Variants in CWC27 observed in about 807,000 individuals in gnomAD.
The protein encoded by CWC27 is CWC27 spliceosome associated cyclophilin.
In CWC27, 47 loss-of-function variants were observed where a neutral mutation model predicts 63.6. The observed-to-expected ratio is 0.74, with a 90% CI of 0.58 to 0.94. The LOEUF (loss-of-function observed/expected upper bound fraction) is 0.94. CWC27 is among the 40% of genes least tolerant of loss of function. CWC27 has a pLI of 0.00. For missense variants in CWC27, 495 were observed against 554.3 expected (o/e 0.89, Z 1.07); for synonymous variants, 175 against 179.8 (o/e 0.97, Z 0.22).
At chr5:64,876,462 T>G (rs186463910) in intron 10 of CWC27, among the ~76,000 whole-genome samples, 1 of 152,248 alleles carries the variant, frequency 6.6e-6, no homozygotes, top group Admixed American at 6.5e-5. Context: ...TAACTGCAAG[T>G]GCTACATCCG....
intron 10 of CWC27, among the ~76,000 whole-genome samples, chr5:64,862,614 C>T (rs1230002479): frequency 6.6e-6 from 1 of 152,090 alleles, no homozygotes; most frequent in Non-Finnish European, 1.5e-5. Flanking sequence ...AGCCCATATT[C>T]AAATTTTCCC....
At chr5:65,011,495 G>T (rs1312030) in intron 13 of CWC27, among the ~76,000 whole-genome samples, 54,897 of 151,952 alleles carry the variant, frequency 0.36, 10,552 homozygotes, top group Non-Finnish European at 0.44. Context: ...GAAGGAGAGT[G>T]CAGGCGTTTG....
chr5:64,856,522 T>C lies in CWC27; in HGVS notation c.939-28921T>C, dbSNP rs931138541. ...GTTCCCAAATTTTAATCTAAACTTATAATAGTTTAGCCTTTCAACAAGTTT... is the reference window on the plus strand; with the variant it reads ...GTTCCCAAATTTTAATCTAAACTTACAATAGTTTAGCCTTTCAACAAGTTT... On this transcript the variant is annotated intron_variant, in intron 10 of 13. Transcript: ENST00000381070. Among the ~76,000 whole-genome samples the C allele has an allele frequency of 9.9e-5, 15 of 152,036 alleles. No individual in the cohort carries two copies. The South Asian group carries it at 1.7e-3, about 17-fold the overall frequency.
chr5:64,992,062 A>ACT (rs1435006573), intron 13 of CWC27, among the ~76,000 whole-genome samples: 1 of 151,960 alleles, frequency 6.6e-6, no homozygotes, highest in Non-Finnish European at 1.5e-5. Context: ...GATGAAGGTG[A>ACT]CTCTAGATCC....
At chr5:64,957,385 A>G (rs957815577) in intron 11 of CWC27, among the ~76,000 whole-genome samples, 1 of 152,192 alleles carries the variant, frequency 6.6e-6, no homozygotes, top group Admixed American at 6.5e-5. Flanking sequence ...CCATCGAGCT[A>G]CAAGAATTGC....
At chr5:64,892,364 T>TA (rs536076321) in intron 11 of CWC27, among the ~76,000 whole-genome samples, 1,853 of 148,764 alleles carry the variant, frequency 0.012, 26 homozygotes, top group South Asian at 0.047. Context: ...TCTCTTTATT[T>TA]AAAAAAAAAA....
intron 12 of CWC27, among the ~76,000 whole-genome samples, chr5:64,976,568 TGTTACC>T (rs1170402618): frequency 6.6e-6 from 1 of 152,172 alleles, no homozygotes; most frequent in African/African-American, 2.4e-5. Flanking sequence ...AGTCTCACTC[TGTTACC>T]CATGCTGGAG....
chr5:64,852,841 A>G (rs555730892), intron 10 of CWC27, among the ~76,000 whole-genome samples: 1 of 152,142 alleles, frequency 6.6e-6, no homozygotes, highest in East Asian at 1.9e-4. Flanking sequence ...GCAAACCCAA[A>G]CATAAATAAT....
At chr5:64,774,892 T>G (rs1743389041) in intron 2 of CWC27, 105 bp downstream of exon 2, 6 of 647,142 alleles carry the variant, frequency 9.3e-6, no homozygotes, top group Non-Finnish European at 1.6e-5. Context: ...TGGTCATGAA[T>G]GACAGGTGTT....
intron 13 of CWC27, among the ~76,000 whole-genome samples, chr5:65,010,475 A>T (rs1749930204): frequency 6.6e-6 from 1 of 152,226 alleles, no homozygotes; most frequent in Non-Finnish European, 1.5e-5. Flanking sequence ...ACAGTCCCAT[A>T]GAATGACAAT....
Position 64,977,172 on chromosome 5 carries a change from C to T in CWC27, c.1190C>T (p.Thr397Ile), listed in dbSNP as rs776321444. ...CTGAACCAGTTTAAATCTAAACTCACTCAAGCAATTGCTGAAACGCCTGAA... is the reference window on the plus strand; with the variant it reads ...CTGAACCAGTTTAAATCTAAACTCATTCAAGCAATTGCTGAAACGCCTGAA... ...ALLNQFKSKLTQAIAETPEND... is the reference protein window; with the variant it reads ...ALLNQFKSKLIQAIAETPEND... The change falls in exon 13 of 14, where the codon ACT (threonine) becomes ATT (isoleucine). Residue 397 changes from threonine to isoleucine, a missense_variant. Coordinates refer to ENST00000381070, the MANE Select transcript of CWC27 (RefSeq NM_005869.4). The T allele has an allele frequency of 1.2e-6, 2 of 1,612,480 alleles. No homozygotes were observed. The highest frequency in any genetic ancestry group is 1.1e-5 in the South Asian group (1 of 90,660).
At chr5:64,934,537 A>T (rs1012242486) in intron 11 of CWC27, among the ~76,000 whole-genome samples, 5 of 152,142 alleles carry the variant, frequency 3.3e-5, no homozygotes, top group African/African-American at 9.7e-5. Flanking sequence ...AGTCTTTGCT[A>T]TTGTGAATAG....
chr5:64,984,825 C>T lies in CWC27; in HGVS notation c.1256+7587C>T, dbSNP rs189625447. 2.0e-3 allele frequency among the ~76,000 whole-genome samples: 301 copies of T among 152,244 alleles called. 1 individual carries two copies. Among genetic ancestry groups the T allele is most frequent in the Non-Finnish European group, 3.1e-3 (211 of 68,002 alleles). Reference sequence around the variant, plus strand: ...CAGTTGATTGATTTATTTCCTTTTACAGGTTATGCTTTTAGTGTTATGTCT... The same window carrying T: ...CAGTTGATTGATTTATTTCCTTTTATAGGTTATGCTTTTAGTGTTATGTCT... On this transcript the variant is annotated intron_variant, in intron 13 of 13. Coordinates refer to ENST00000381070, the MANE Select transcript of CWC27 (RefSeq NM_005869.4).
chr5:64,823,641 T>G (rs937349676), intron 10 of CWC27, among the ~76,000 whole-genome samples: 9 of 152,168 alleles, frequency 5.9e-5, no homozygotes, highest in African/African-American at 2.2e-4. Context: ...ATTAAGAAAG[T>G]AATACATTAA....
chr5:64,880,381 G>A (rs1746906666), intron 10 of CWC27, among the ~76,000 whole-genome samples: 1 of 151,880 alleles, frequency 6.6e-6, no homozygotes, highest in African/African-American at 2.4e-5. Flanking sequence ...TTCTAAAAAG[G>A]TGTTTATTTT....
chr5:64,875,576 A>G (rs539916091), intron 10 of CWC27, among the ~76,000 whole-genome samples: 1 of 152,276 alleles, frequency 6.6e-6, no homozygotes, highest in African/African-American at 2.4e-5. Flanking sequence ...AAAGAAAATA[A>G]GCAATTCACT....
chr5:64,957,002 G>A (rs1748814408), intron 11 of CWC27, among the ~76,000 whole-genome samples: 1 of 152,052 alleles, frequency 6.6e-6, no homozygotes, highest in African/African-American at 2.4e-5. Context: ...TATTTTAGAA[G>A]CTACTTTATT....
intron 10 of CWC27, among the ~76,000 whole-genome samples, chr5:64,845,463 T>C (rs1339576280): frequency 6.6e-6 from 1 of 152,152 alleles, no homozygotes; most frequent in South Asian, 2.1e-4. Flanking sequence ...TACAAGAATA[T>C]ATGGATAGAA....
intron 10 of CWC27, among the ~76,000 whole-genome samples, chr5:64,848,383 A>G (rs1039252115): frequency 6.6e-6 from 1 of 152,216 alleles, no homozygotes; most frequent in Non-Finnish European, 1.5e-5. Context: ...CAGCCATGGT[A>G]GTTTCACAGC....
Sources: gnomAD v4.1 joint callset for allele counts (sites outside exome capture counted in the v4.1 genomes callset) on GRCh38, gnomAD v4.1.1 for gene constraint, MANE v1.5 for transcripts, NCBI Gene and HGNC (gene_info 2026-07-23, HGNC 2026-07-21) for gene names.